ST6GAL2: variants seen among roughly 807,000 people sequenced by gnomAD.
The protein encoded by ST6GAL2 is beta-galactoside alpha-2,6-sialyltransferase 2.
In ST6GAL2, 24 loss-of-function variants were observed where a neutral mutation model predicts 37.5. The ratio of observed to expected loss-of-function variants is 0.64; its 90% CI spans 0.46 to 0.90. The LOEUF is 0.90. ST6GAL2 is among the 40% of genes least tolerant of loss of function. The pLI, the probability that ST6GAL2 is intolerant of heterozygous loss-of-function variation, is 0.00. For missense variants in ST6GAL2, 715 were observed against 712.7 expected (o/e 1.00, Z -0.04); for synonymous variants, 306 against 295.1 (o/e 1.04, Z -0.38).
At chr2:106,866,183 G>A (rs1678018533) in intron 1 of ST6GAL2, among the ~76,000 whole-genome samples, 1 of 152,216 alleles carries the variant, frequency 6.6e-6, no homozygotes, top group Non-Finnish European at 1.5e-5. Context: ...AAGACTCCTT[G>A]AGGTTAAGAA....
chr2:106,885,794 A>T (rs1426439214), intron 1 of ST6GAL2: 1 of 152,274 alleles, frequency 6.6e-6, no homozygotes, highest in Non-Finnish European at 1.5e-5. Context: ...GCAGTTTTGT[A>T]CGGGGGTTGG....
intron 1 of ST6GAL2, among the ~76,000 whole-genome samples, chr2:106,873,961 C>A (rs370773364): frequency 6.6e-6 from 1 of 152,202 alleles, no homozygotes; most frequent in Non-Finnish European, 1.5e-5. Flanking sequence ...AAAAATCCAA[C>A]CTACTCTCTT....
chr2:106,858,144 T>C (rs2104571011), intron 1 of ST6GAL2, among the ~76,000 whole-genome samples: 1 of 152,312 alleles, frequency 6.6e-6, no homozygotes, highest in East Asian at 1.9e-4. Context: ...ACAGAACTGA[T>C]CATGCACTAC....
chr2:106,806,987 C>T (rs1461440939), intron 5 of ST6GAL2, 38 bp from the exon 6 acceptor site: 1 of 1,561,256 alleles, frequency 6.4e-7, no homozygotes, highest in Admixed American at 1.8e-5. Context: ...TAATGAACAA[C>T]TCCATGTGAG....
At chr2:106,841,189 C>A (rs1676867937) in intron 2 of ST6GAL2, 1 of 152,214 alleles carries the variant, frequency 6.6e-6, no homozygotes, top group Admixed American at 6.5e-5. Flanking sequence ...CCAAGGACTT[C>A]TGCTGAGCTG....
intron 2 of ST6GAL2, among the ~76,000 whole-genome samples, chr2:106,837,334 G>C (rs1437849089): frequency 6.6e-6 from 1 of 152,104 alleles, no homozygotes; most frequent in African/African-American, 2.4e-5. Context: ...TTGAGCTTTG[G>C]GTTCTGCTGC....
intron 5 of ST6GAL2, among the ~76,000 whole-genome samples, chr2:106,807,631 C>CTTTTTTTT (rs10665727): frequency 7.2e-6 from 1 of 139,050 alleles, no homozygotes. Flanking sequence ...ACATTTTATT[C>CTTTTTTTT]TTTTTTTTTT....
At chr2:106,818,736 A>G (rs1477592238) in intron 5 of ST6GAL2, among the ~76,000 whole-genome samples, 1 of 152,166 alleles carries the variant, frequency 6.6e-6, no homozygotes, top group Non-Finnish European at 1.5e-5. Context: ...CATCAAACAA[A>G]TTAAATAGGG....
chr2:106,827,041 C>G (rs1676236605), intron 5 of ST6GAL2, among the ~76,000 whole-genome samples: 1 of 152,158 alleles, frequency 6.6e-6, no homozygotes, highest in Non-Finnish European at 1.5e-5. Flanking sequence ...GATCTAATCC[C>G]TTCTAACAGC....
In ST6GAL2 at chr2:106,843,922, C is replaced by A; in HGVS notation, c.56G>T (p.Trp19Leu). 6.3e-7 allele frequency: 1 copy of A among 1,599,402 alleles called. No individual in the cohort carries two copies. Among genetic ancestry groups the A allele is most frequent in the Non-Finnish European group, 8.5e-7 (1 of 1,178,386 alleles). Residue 19 changes from tryptophan to leucine, a missense_variant, in exon 2 of 6, where the codon TGG becomes TTG. Coordinates refer to ENST00000409382, the MANE Select transcript of ST6GAL2 (RefSeq NM_001142351.2). ...GAAAATCAGCAAAAAGAGGAGCCCC[C>A]AAGCGAATATTCCGAAAAGCATTCG... ...RQRMLFGIFAWGLLFLLIFIY... is the reference protein window; with the variant it reads ...RQRMLFGIFALGLLFLLIFIY...
intron 5 of ST6GAL2, among the ~76,000 whole-genome samples, chr2:106,819,315 G>A (rs1475894264): frequency 6.6e-6 from 1 of 151,346 alleles, no homozygotes; most frequent in Non-Finnish European, 1.5e-5. Context: ...ACTACCAAAG[G>A]TCAAGGATAA....
rs1360160407 is a variant in ST6GAL2, at chr2:106,843,697, C to T, written c.281G>A (p.Gly94Glu). 6.2e-7 allele frequency: 1 copy of T among 1,613,200 alleles called. No individual in the cohort carries two copies. The highest frequency in any genetic ancestry group is 1.3e-5 in the African/African-American group (1 of 75,058). Residue 94 changes from glycine to glutamate, a missense_variant, in exon 2 of 6, where the codon GGA (glycine) becomes GAA (glutamate). Physicochemically the swap from Gly to Glu is moderately conservative, Grantham distance 98 (BLOSUM62 -2). Around this residue, in one of 3 missense-constraint regions of ST6GAL2, gnomAD observed 512 missense variants for 488.8 expected, o/e 1.05. Coordinates refer to ENST00000409382, the MANE Select transcript of ST6GAL2 (RefSeq NM_001142351.2). ...HPAGSFHAGPGDLQKWAQSQD... is the reference protein window; with the variant it reads ...HPAGSFHAGPEDLQKWAQSQD... ...GGACTGGGCCCATTTCTGCAGGTCT[C>T]CAGGCCCCGCATGAAAGGAACCGGC...
chr2:106,843,136 G>T lies in ST6GAL2; in HGVS notation c.842C>A (p.Pro281His), dbSNP rs1485968518. The T allele has an allele frequency of 6.4e-7, 1 of 1,563,942 alleles. No individual in the cohort carries two copies. ...GTGCAGCTGGCTCAGGGGCACGGCGGGCACCAGGCGCCGCCAGCCCAGCGC... is the reference window on the plus strand; with the variant it reads ...GTGCAGCTGGCTCAGGGGCACGGCGTGCACCAGGCGCCGCCAGCCCAGCGC... ...FSALGWRRLV[P>H]AVPLSQLHPR... The change falls in exon 2 of 6, where the codon CCC becomes CAC. Residue 281 changes from proline to histidine, a missense_variant. By Grantham distance (77) the Pro-to-His change is moderately conservative. Coordinates refer to ENST00000409382, the MANE Select transcript of ST6GAL2 (RefSeq NM_001142351.2).
At chr2:106,860,092 G>T (rs1024651518) in intron 1 of ST6GAL2, among the ~76,000 whole-genome samples, 1 of 152,020 alleles carries the variant, frequency 6.6e-6, no homozygotes, top group Non-Finnish European at 1.5e-5. Context: ...TCCTAGTTTT[G>T]TTGAAGTCTT....
chr2:106,841,771 A>G (rs1676894844), intron 2 of ST6GAL2, among the ~76,000 whole-genome samples: 1 of 152,184 alleles, frequency 6.6e-6, no homozygotes. Context: ...CATCTGGTGC[A>G]GAACCTACAC....
intron 1 of ST6GAL2, among the ~76,000 whole-genome samples, chr2:106,878,331 G>A (rs573064536): frequency 2.0e-5 from 3 of 151,946 alleles, no homozygotes; most frequent in East Asian, 2.0e-4. Context: ...AGGTGTGGTG[G>A]TGCCCACCTG....
At chr2:106,857,179 CT>C (rs1677607196) in intron 1 of ST6GAL2, among the ~76,000 whole-genome samples, 1 of 152,168 alleles carries the variant, frequency 6.6e-6, no homozygotes, top group African/African-American at 2.4e-5. Context: ...TGCCAAGTTG[CT>C]AAGGACCTAA....
At chr2:106,834,338 T>C in intron 2 of ST6GAL2, 192 bp from the exon 3 acceptor site, 1 of 542,446 alleles carries the variant, frequency 1.8e-6, no homozygotes, top group Non-Finnish European at 3.3e-6. Flanking sequence ...GAAACATCAA[T>C]ATGGATATAT....
intron 5 of ST6GAL2, chr2:106,813,204 G>A: frequency 7.3e-7 from 1 of 1,363,816 alleles, no homozygotes; most frequent in Non-Finnish European, 9.5e-7. Context: ...GCTCTGATAT[G>A]GCCAATTTTT....
Sources: gnomAD v4.1 joint callset for allele counts (sites outside exome capture counted in the v4.1 genomes callset) on GRCh38, gnomAD v4.1.1 for gene constraint, gnomAD v4.1.1 regional missense constraint, MANE v1.5 for transcripts, NCBI Gene and HGNC (gene_info 2026-07-23, HGNC 2026-07-21) for gene names.